ARHGEF3: variants seen among roughly 807,000 people sequenced by gnomAD.
ARHGEF3 encodes Rho guanine nucleotide exchange factor 3.
In ARHGEF3, 28 loss-of-function variants were observed where a neutral mutation model predicts 63.2. The observed-to-expected ratio is 0.44, with a 90% CI of 0.33 to 0.61. The LOEUF (loss-of-function observed/expected upper bound fraction) is 0.61, where lower values mean the gene tolerates loss of function less well. Ranked by LOEUF, ARHGEF3 falls within the 20% of genes least tolerant of loss-of-function variation. The pLI is 0.03. For missense variants in ARHGEF3, 533 were observed against 659.3 expected (o/e 0.81, Z 2.10); for synonymous variants, 266 against 254.2 (o/e 1.05, Z -0.44).
chr3:56,803,974 T>C (rs1215789023), upstream of ARHGEF3, among the ~76,000 whole-genome samples: 1 of 151,680 alleles, frequency 6.6e-6, no homozygotes, highest in African/African-American at 2.4e-5. Flanking sequence ...AACCTTCTCC[T>C]CCTGGGCTCA....
intron 3 of ARHGEF3, among the ~76,000 whole-genome samples, chr3:56,951,410 G>C (rs1401087853): frequency 4.6e-5 from 7 of 151,932 alleles, no homozygotes; most frequent in Non-Finnish European, 7.4e-5. Context: ...TTGCATTGAA[G>C]TATTTTTAAA....
At chr3:57,064,505 T>C (rs909319848) in intron 1 of ARHGEF3, among the ~76,000 whole-genome samples, 2 of 151,990 alleles carry the variant, frequency 1.3e-5, no homozygotes, top group African/African-American at 4.8e-5. Context: ...GTATTTTTTG[T>C]AGACAGGGTA....
chr3:56,831,274 A>G (rs1050101059), intron 4 of ARHGEF3, among the ~76,000 whole-genome samples: 3 of 152,214 alleles, frequency 2.0e-5, no homozygotes, highest in Non-Finnish European at 4.4e-5. Flanking sequence ...CTTAACCTCC[A>G]TTCTGTAACT....
At chr3:56,766,264 A>C (rs904611911) in intron 2 of ARHGEF3, among the ~76,000 whole-genome samples, 1 of 152,226 alleles carries the variant, frequency 6.6e-6, no homozygotes, top group East Asian at 1.9e-4. Context: ...GAGACCACTA[A>C]TTTATCATAT....
chr3:57,013,428 C>A (rs1422303365), intron 2 of ARHGEF3, among the ~76,000 whole-genome samples: 1 of 152,180 alleles, frequency 6.6e-6, no homozygotes, highest in African/African-American at 2.4e-5. Context: ...TGTGGATGCA[C>A]CAATCAGCAC....
chr3:57,042,693 TA>T (rs55706036), intron 1 of ARHGEF3, among the ~76,000 whole-genome samples: 927 of 24,210 alleles, frequency 0.038, 24 homozygotes, highest in Non-Finnish European at 0.052. Context: ...TATATATATA[TA>T]TATATATTTT....
At chr3:57,042,687 TA>T (rs55920957) in intron 1 of ARHGEF3, among the ~76,000 whole-genome samples, 686 of 24,796 alleles carry the variant, frequency 0.028, 65 homozygotes, top group South Asian at 0.05. Flanking sequence ...TATATATATA[TA>T]TATATATATA....
chr3:56,795,893 C>T (rs2037335591), intron 1 of ARHGEF3, among the ~76,000 whole-genome samples: 1 of 151,956 alleles, frequency 6.6e-6, no homozygotes, highest in South Asian at 2.1e-4. Context: ...CCACCTCAGC[C>T]TCCAAGTGCT....
At chr3:56,812,259 G>C (rs2038093754) in intron 4 of ARHGEF3, among the ~76,000 whole-genome samples, 1 of 152,182 alleles carries the variant, frequency 6.6e-6, no homozygotes, top group African/African-American at 2.4e-5. Context: ...TTGAAATTTT[G>C]AAAGGTAATT....
rs187922872 is a variant in ARHGEF3, at chr3:57,034,242, T to C, written c.62+846A>G. Among the ~76,000 whole-genome samples, 5 of 150,600 alleles carry C rather than the reference T, an allele frequency of 3.3e-5. No individual in the cohort carries two copies. The East Asian group carries it at 9.8e-4, about 29-fold the overall frequency. ...TTAAACTCCTAGGCTGAGGCAATCC[T>C]CTTGCCTCAGCCTCCTGAGGAGCTG... On this transcript the variant is annotated intron_variant, in intron 2 of 12. Transcript: ENST00000338458.
chr3:56,792,999 T>G (rs1036131053), intron 1 of ARHGEF3, among the ~76,000 whole-genome samples: 25 of 151,620 alleles, frequency 1.6e-4, no homozygotes, highest in African/African-American at 5.1e-4. Flanking sequence ...TGGGTTTTTT[T>G]TTTTTTTTAT....
intron 3 of ARHGEF3, among the ~76,000 whole-genome samples, chr3:56,912,048 G>C (rs1303217035): frequency 6.6e-6 from 1 of 151,848 alleles, no homozygotes; most frequent in African/African-American, 2.4e-5. Flanking sequence ...ATTACATTTT[G>C]AGTTCTAGTT....
chr3:57,017,316 G>A (rs1452793772), intron 2 of ARHGEF3, among the ~76,000 whole-genome samples: 1 of 151,952 alleles, frequency 6.6e-6, no homozygotes, highest in African/African-American at 2.4e-5. Context: ...AGAAAGCCAG[G>A]GCCATGTAAA....
intron 1 of ARHGEF3, among the ~76,000 whole-genome samples, chr3:57,068,638 A>G (rs925578356): frequency 6.6e-6 from 1 of 152,170 alleles, no homozygotes; most frequent in Non-Finnish European, 1.5e-5. Flanking sequence ...CTGGAGAGAA[A>G]CAGTCCTCCC....
intron 2 of ARHGEF3, among the ~76,000 whole-genome samples, chr3:57,005,381 A>C (rs1341851847): frequency 6.6e-6 from 1 of 152,212 alleles, no homozygotes; most frequent in Non-Finnish European, 1.5e-5. Context: ...GCAGAATGAG[A>C]GCCCAGGGAG....
chr3:56,783,706 A>G (rs2036665848), intron 1 of ARHGEF3, among the ~76,000 whole-genome samples: 1 of 152,216 alleles, frequency 6.6e-6, no homozygotes, highest in Non-Finnish European at 1.5e-5. Flanking sequence ...AGTAAAATAA[A>G]ACAAAACCAC....
intron 4 of ARHGEF3, among the ~76,000 whole-genome samples, chr3:56,824,941 T>C (rs1426574781): frequency 6.6e-6 from 1 of 151,804 alleles, no homozygotes; most frequent in Non-Finnish European, 1.5e-5. Context: ...TAAAAAAGAG[T>C]GAAGAAACTC....
Position 57,058,375 on chromosome 3 carries a change from C to T in ARHGEF3, c.-28+20851G>A, listed in dbSNP as rs1371135834. The stretch of plus-strand genomic sequence containing the variant: ...CTGTCATAGACTGTGATGCTCTCGG[C>T]GTCCAGCAAAATGAGTGATACTTGT... On this transcript the variant is annotated intron_variant, in intron 1 of 12. Transcript: ENST00000338458. Among the ~76,000 whole-genome samples the T allele has an allele frequency of 3.3e-5, 5 of 152,282 alleles. No homozygotes were observed. The East Asian group carries it at 9.6e-4, about 29-fold the overall frequency.
chr3:57,023,419 A>G (rs1256808449), intron 2 of ARHGEF3, among the ~76,000 whole-genome samples: 1 of 152,200 alleles, frequency 6.6e-6, no homozygotes, highest in Non-Finnish European at 1.5e-5. Flanking sequence ...CCAGCTGGTT[A>G]CTTAGCCCTG....
Sources: gnomAD v4.1 joint callset for allele counts (sites outside exome capture counted in the v4.1 genomes callset) on GRCh38, gnomAD v4.1.1 for gene constraint, MANE v1.5 for transcripts, NCBI Gene and HGNC (gene_info 2026-07-23, HGNC 2026-07-21) for gene names.